Variants in PDE2A observed in about 807,000 individuals in gnomAD.
PDE2A encodes the protein phosphodiesterase 2A.
In PDE2A, 53 loss-of-function variants were observed where a neutral mutation model predicts 133.6. That is an observed-to-expected ratio of 0.40 (90% CI 0.32 to 0.50). The LOEUF (loss-of-function observed/expected upper bound fraction) is 0.50, where lower values mean the gene tolerates loss of function less well. PDE2A is among the 20% of genes least tolerant of loss of function. The pLI is 0.73. For synonymous variants in PDE2A, 491 were observed against 490.2 expected (o/e 1.00, Z -0.02); for missense variants, 796 against 1,232.4 (o/e 0.65, Z 5.30).
chr11:72,577,504 G>A lies in PDE2A; in HGVS notation c.2706C>T (p.Phe902=), dbSNP rs141082369. 57 of 1,613,378 alleles carry A rather than the reference G, an allele frequency of 3.5e-5. No homozygotes were observed. The highest frequency in any genetic ancestry group is 4.7e-5 in the Non-Finnish European group (55 of 1,180,008). ...TGTTACTTGGGAGGCCGCGGATGGT[G>A]AACTTGTGGGACACCTTGGTCCAGT... ...REHWTKVSHK[F]TIRGLPSNNS... Residue 902 remains phenylalanine, a synonymous_variant, in exon 31 of 31, where the codon TTC becomes TTT. Transcript: ENST00000334456.
chr11:72,598,536 G>T (rs1216576295), intron 4 of PDE2A: 1 of 1,289,024 alleles, frequency 7.8e-7, no homozygotes, highest in Non-Finnish European at 1.0e-6. Flanking sequence ...GTCACTCCTT[G>T]ATGATTAATT....
intron 2 of PDE2A, among the ~76,000 whole-genome samples, chr11:72,619,953 C>T (rs571411092): frequency 4.6e-5 from 7 of 152,268 alleles, no homozygotes; most frequent in Admixed American, 3.9e-4. Context: ...TGACTCCCAG[C>T]AGGGGGCTGG....
chr11:72,633,191 C>T (rs1219217244), intron 2 of PDE2A, among the ~76,000 whole-genome samples: 6 of 151,996 alleles, frequency 3.9e-5, no homozygotes, highest in Non-Finnish European at 7.4e-5. Flanking sequence ...GGACCCTAGT[C>T]CAGGCCAGGG....
chr11:72,606,416 C>T (rs573517207), intron 3 of PDE2A, among the ~76,000 whole-genome samples: 8 of 152,304 alleles, frequency 5.3e-5, no homozygotes, highest in East Asian at 1.9e-4. Flanking sequence ...ACTCTGAGAG[C>T]GTCCACAATC....
intron 2 of PDE2A, among the ~76,000 whole-genome samples, chr11:72,629,147 G>A (rs993616075): frequency 2.0e-5 from 3 of 152,246 alleles, no homozygotes; most frequent in African/African-American, 7.2e-5. Flanking sequence ...CCAGCTCAAG[G>A]AAAGGCAGAG....
At chr11:72,638,088 CA>C (rs1202351117) in intron 2 of PDE2A, among the ~76,000 whole-genome samples, 2 of 152,144 alleles carry the variant, frequency 1.3e-5, no homozygotes, top group Non-Finnish European at 2.9e-5. Flanking sequence ...CCGCCGCAGG[CA>C]GCACAGAGGC....
At chr11:72,577,618 G>A in intron 30 of PDE2A, 24 bp from the exon 31 acceptor site, 1 of 1,556,324 alleles carries the variant, frequency 6.4e-7, no homozygotes, top group Non-Finnish European at 8.8e-7. Context: ...GGGGGCAGAG[G>A]GCGAGAGGCC....
Position 72,590,013 on chromosome 11 carries a change from A to C in PDE2A, c.757-32T>G. Reference sequence around the variant, plus strand: ...GAGGGACAGGCAGGGCGAGGGGGTGACCGCGGATCCGGGTCACCCCACTCC... The same window carrying C: ...GAGGGACAGGCAGGGCGAGGGGGTGCCCGCGGATCCGGGTCACCCCACTCC... On this transcript the variant is annotated intron_variant, in intron 9 of 30. Transcript: ENST00000334456. This position sits in a 1 kb window ranked among gnomAD's most constrained non-coding sequence, Gnocchi z 4.8. 1.9e-6 allele frequency: 3 copies of C among 1,567,680 alleles called. No individual in the cohort carries two copies. The highest frequency in any genetic ancestry group is 1.1e-5 in the South Asian group (1 of 87,682).
chr11:72,586,049 G>A (rs368708286), intron 14 of PDE2A, 21 bp downstream of exon 14: 72 of 1,414,724 alleles, frequency 5.1e-5, no homozygotes, highest in Non-Finnish European at 7.0e-5. Context: ...GCCCGAGAGA[G>A]GCTGAAGGCA....
chr11:72,615,226 C>T (rs149019652), intron 2 of PDE2A: 10 of 347,826 alleles, frequency 2.9e-5, no homozygotes, highest in Non-Finnish European at 5.4e-5. Context: ...CAACCAGCTC[C>T]GCCCCGGCCT....
chr11:72,665,345 G>A (rs775004498), intron 1 of PDE2A, among the ~76,000 whole-genome samples: 8 of 152,004 alleles, frequency 5.3e-5, no homozygotes, highest in African/African-American at 1.2e-4. Context: ...CAGCAGAGCC[G>A]CCTCGGACTT....
rs2135304576 is a variant in PDE2A at position 72,590,074 on chromosome 11, T to A, written c.757-93A>T. The A allele has an allele frequency of 4.3e-6, 6 of 1,389,574 alleles. No homozygotes were observed. The highest frequency in any genetic ancestry group is 6.0e-6 in the Non-Finnish European group (6 of 1,007,036). 86.1% of individuals were successfully genotyped at this position (1,389,574 alleles called of 1,614,324 possible). A position where few individuals can be genotyped will look rare whatever the true frequency, so the allele number is the denominator to read the frequency against. ...CCCTCTCCGGGGCTCTTCAGGCGGG[T>A]GGAGGAGAGAGGAAGGAAGGACATC... On this transcript the variant is annotated intron_variant, in intron 9 of 30. Coordinates refer to ENST00000334456, the MANE Select transcript of PDE2A (RefSeq NM_002599.5). This position sits in a 1 kb window ranked among gnomAD's most constrained non-coding sequence, Gnocchi z 4.8.
intron 6 of PDE2A, among the ~76,000 whole-genome samples, chr11:72,594,221 A>AAG (rs1207525323): frequency 6.6e-6 from 1 of 152,232 alleles, no homozygotes; most frequent in East Asian, 1.9e-4. Flanking sequence ...CAGTGGATGA[A>AAG]TACTAAGAGC....
chr11:72,616,769 G>A (rs940704189), intron 2 of PDE2A, among the ~76,000 whole-genome samples: 1 of 152,186 alleles, frequency 6.6e-6, no homozygotes, highest in African/African-American at 2.4e-5. Context: ...AGACCGGGTG[G>A]GGGCAGCAGG....
intron 6 of PDE2A, among the ~76,000 whole-genome samples, 182 bp from the exon 7 acceptor site, chr11:72,591,538 A>G (rs1288921481): frequency 6.6e-6 from 1 of 152,218 alleles, no homozygotes; most frequent in Non-Finnish European, 1.5e-5. Context: ...TCCCTCCTGT[A>G]GGAAGTCTCC....
At chr11:72,579,428 C>A (rs1324691180) in intron 26 of PDE2A, 45 bp from the exon 27 acceptor site, 4 of 1,569,448 alleles carry the variant, frequency 2.5e-6, no homozygotes, top group Admixed American at 1.7e-5. Context: ...TGGACACCCC[C>A]ACCCATTTGC....
intron 2 of PDE2A, among the ~76,000 whole-genome samples, chr11:72,627,635 C>A (rs1858150001): frequency 6.6e-6 from 1 of 152,158 alleles, no homozygotes; most frequent in African/African-American, 2.4e-5. Context: ...GCAAGGCCAG[C>A]AATGCCCTGC....
chr11:72,597,261 C>T lies in PDE2A; in HGVS notation c.433+249G>A, dbSNP rs1856530437. ...CAGGCCCCTAACATGCATGATCTCACTTGCACCTCCTTGAAACACCCCCTC... is the reference window on the plus strand; with the variant it reads ...CAGGCCCCTAACATGCATGATCTCATTTGCACCTCCTTGAAACACCCCCTC... On this transcript the variant is annotated intron_variant, in intron 5 of 30. Transcript: ENST00000334456. The surrounding 1 kb of genome is among the most constrained non-coding windows in gnomAD (Gnocchi z 4.6). 6.6e-6 allele frequency among the ~76,000 whole-genome samples: 1 copy of T among 152,200 alleles called. No individual in the cohort carries two copies. Among genetic ancestry groups the T allele is most frequent in the Non-Finnish European group, 1.5e-5 (1 of 68,026 alleles).
chr11:72,578,160 G>T lies in PDE2A; in HGVS notation c.2615+73C>A. 1.0e-6 allele frequency: 1 copy of T among 962,362 alleles called. No individual in the cohort carries two copies. The highest frequency in any genetic ancestry group is 1.7e-6 in the Non-Finnish European group (1 of 592,632). 59.6% of individuals were successfully genotyped at this position (962,362 alleles called of 1,614,324 possible). ...GGGCCAGGCCAATCTCAGCACCTGTGTTTCCTGTGATGTCCCCACTCCAGC... is the reference window on the plus strand; with the variant it reads ...GGGCCAGGCCAATCTCAGCACCTGTTTTTCCTGTGATGTCCCCACTCCAGC... On this transcript the variant is annotated intron_variant, in intron 30 of 30. Transcript: ENST00000334456. The surrounding 1 kb of genome is among the most constrained non-coding windows in gnomAD (Gnocchi z 4.2).
Sources: gnomAD v4.1 joint callset for allele counts (sites outside exome capture counted in the v4.1 genomes callset) on GRCh38, gnomAD v4.1.1 for gene constraint, Gnocchi (gnomAD v3.1) non-coding constraint, MANE v1.5 for transcripts, NCBI Gene and HGNC (gene_info 2026-07-23, HGNC 2026-07-21) for gene names.